Variants in DMD observed in about 807,000 individuals in gnomAD.
DMD encodes the protein dystrophin, also known as mutant dystrophin.
Under a neutral mutation model 330.1 loss-of-function variants are expected in DMD, and 63 were observed. That is an observed-to-expected ratio of 0.19 (90% CI 0.16 to 0.24). DMD has a LOEUF of 0.24. DMD is among the 10% of genes least tolerant of loss of function. The pLI is 1.00. For missense variants in DMD, 3,344 were observed against 2,684.1 expected (o/e 1.25, Z -5.43); for synonymous variants, 1,223 against 959.8 (o/e 1.27, Z -5.07).
intron 17 of DMD, among the ~76,000 whole-genome samples, chrX:32,518,471 T>C (rs972422425): frequency 1.9e-5 from 2 of 105,900 alleles, no homozygotes; most frequent in Non-Finnish European, 3.8e-5. Flanking sequence ...TTTTGGAAAG[T>C]ATTTATGAGA....
chrX:33,021,030 G>C (rs1480222571), intron 1 of DMD, among the ~76,000 whole-genome samples: 2 of 111,103 alleles, frequency 1.8e-5, no homozygotes, highest in Admixed American at 1.9e-4. Context: ...CAAATTAAGA[G>C]CTCAGAAAAT....
intron 37 of DMD, among the ~76,000 whole-genome samples, chrX:32,358,639 C>A (rs1365735787): frequency 9.0e-6 from 1 of 111,521 alleles, no homozygotes; most frequent in Non-Finnish European, 1.9e-5. Flanking sequence ...AAACATAACT[C>A]CTTAGTAGTT....
At position 33,300,338 on chromosome X, in the gene DMD, T is replaced by C. The variant is rs2053644278; in HGVS notation, c.7+38921A>G. ...AATTCTTTGTTTTTAATGAAGAACA[T>C]ATAATTCCCATAAAGGCATGAGATT... is the stretch of plus-strand genomic sequence containing the variant. On this transcript the variant is annotated intron_variant, in intron 1 of 17. Transcript: ENST00000288447. 3.6e-5 allele frequency among the ~76,000 whole-genome samples: 4 copies of C among 112,520 alleles called. No individual in the cohort carries two copies. In the South Asian group the frequency reaches 1.4e-3, roughly 40 times the overall value.
chrX:32,438,207 T>C (rs770739598), intron 29 of DMD, 34 bp downstream of exon 29: 15 of 1,199,852 alleles, frequency 1.3e-5, no homozygotes, highest in Non-Finnish European at 1.7e-5. Flanking sequence ...TTAATGCAAA[T>C]TAGATTAAAG....
At chrX:32,772,276 G>A (rs868082888) in intron 7 of DMD, among the ~76,000 whole-genome samples, 1 of 112,465 alleles carries the variant, frequency 8.9e-6, no homozygotes, top group Non-Finnish European at 1.9e-5. Flanking sequence ...AATCTCCTTT[G>A]GAGGGCCTAT....
intron 44 of DMD, among the ~76,000 whole-genome samples, chrX:32,179,618 A>G (rs1457706973): frequency 8.9e-6 from 1 of 112,079 alleles, no homozygotes; most frequent in East Asian, 2.8e-4. Context: ...CCTTGATAAT[A>G]TTGATCATCC....
chrX:33,168,201 G>A (rs2049155378), intron 1 of DMD, among the ~76,000 whole-genome samples: 1 of 110,553 alleles, frequency 9.0e-6, no homozygotes, highest in African/African-American at 3.3e-5. Flanking sequence ...AAAATAAATT[G>A]GTAAAATCAC....
At chrX:32,585,777 T>G (rs1175799532) in intron 13 of DMD, among the ~76,000 whole-genome samples, 1 of 107,549 alleles carries the variant, frequency 9.3e-6, no homozygotes, top group Non-Finnish European at 1.9e-5. Context: ...CCTGTAATTT[T>G]GTATGGTGGG....
intron 2 of DMD, among the ~76,000 whole-genome samples, chrX:32,910,181 C>T (rs1601861780): frequency 8.9e-6 from 1 of 111,859 alleles, no homozygotes; most frequent in Non-Finnish European, 1.9e-5. Context: ...CAACAAATGT[C>T]CTTCTGAACA....
chrX:32,551,135 A>G (rs1422075032), intron 16 of DMD, among the ~76,000 whole-genome samples: 1 of 111,249 alleles, frequency 9.0e-6, no homozygotes. Flanking sequence ...TCATTCTATG[A>G]GGGAAGCATT....
intron 44 of DMD, among the ~76,000 whole-genome samples, chrX:32,042,267 GA>G (rs1269232780): frequency 1.9e-5 from 2 of 107,248 alleles, no homozygotes; most frequent in Non-Finnish European, 3.8e-5. Context: ...ATTTATAAAG[GA>G]AAGGGATTTA....
intron 57 of DMD, among the ~76,000 whole-genome samples, chrX:31,493,751 C>G (rs2069545375): frequency 8.9e-6 from 1 of 111,972 alleles, no homozygotes; most frequent in Admixed American, 9.5e-5. Context: ...ACAGATTATT[C>G]TGACTGAAAT....
intron 44 of DMD, among the ~76,000 whole-genome samples, chrX:32,002,268 T>C (rs1462312484): frequency 8.9e-6 from 1 of 112,175 alleles, no homozygotes; most frequent in African/African-American, 3.2e-5. Context: ...GGTATGTCTC[T>C]GCTTATCAGA....
At chrX:32,650,573 T>G (rs1253929237) in intron 9 of DMD, among the ~76,000 whole-genome samples, 1 of 112,114 alleles carries the variant, frequency 8.9e-6, no homozygotes, top group East Asian at 2.8e-4. Context: ...CTGTGTTTTC[T>G]CACAGATATA....
In DMD at chrX:32,491,379, T is replaced by A; in HGVS notation, c.2520A>T (p.Gln840His). The stretch of plus-strand genomic sequence containing the variant: ...CAGTAGTTGTCATCTGCTCCAATTG[T>A]TGTAGCTGATTATAGAAAGCGATGA... Reference protein sequence around the residue: ...NNIIAFYNQLQQLEQMTTTAE... With the variant: ...NNIIAFYNQLHQLEQMTTTAE... The change falls in exon 20 of 79, where the codon CAA (glutamine) becomes CAT (histidine). Residue 840 changes from glutamine to histidine, a missense_variant. Physicochemically the swap from Gln to His is conservative, Grantham distance 24. Coordinates refer to ENST00000357033, the MANE Select transcript of DMD (RefSeq NM_004006.3). The A allele has an allele frequency of 8.3e-7, 1 of 1,211,692 alleles. No individual in the cohort carries two copies. Among genetic ancestry groups the A allele is most frequent in the Non-Finnish European group, 1.1e-6 (1 of 895,488 alleles).
chrX:32,837,232 A>G (rs2148935332), intron 4 of DMD, among the ~76,000 whole-genome samples: 1 of 111,808 alleles, frequency 8.9e-6, no homozygotes, highest in Admixed American at 9.5e-5. Context: ...CTACTTCACT[A>G]ACCCACCAAA....
intron 2 of DMD, among the ~76,000 whole-genome samples, chrX:32,939,010 G>T (rs746227133): frequency 1.8e-5 from 2 of 110,242 alleles, no homozygotes; most frequent in South Asian, 7.7e-4. Context: ...AGCACAAATA[G>T]AGGTCTAATT....
intron 44 of DMD, among the ~76,000 whole-genome samples, chrX:32,064,527 A>G (rs758913966): frequency 5.4e-5 from 6 of 111,700 alleles, no homozygotes; most frequent in African/African-American, 1.9e-4. Context: ...GTAAATTACG[A>G]AAGTATGAGC....
chrX:31,156,086 G>T (rs1396009005), intron 74 of DMD, among the ~76,000 whole-genome samples: 1 of 111,471 alleles, frequency 9.0e-6, no homozygotes, highest in African/African-American at 3.3e-5. Context: ...GGTGGAAAAA[G>T]ACATTAATAA....
Sources: gnomAD v4.1 joint callset for allele counts (sites outside exome capture counted in the v4.1 genomes callset) on GRCh38, gnomAD v4.1.1 for gene constraint, MANE v1.5 for transcripts, NCBI Gene and HGNC (gene_info 2026-07-23, HGNC 2026-07-21) for gene names.